The following CRIP2 variants were observed in gnomAD, a reference collection of about 807,000 sequenced individuals.
CRIP2 encodes cysteine rich protein 2, also known as cysteine-rich protein 2.
In CRIP2, 31 loss-of-function variants were observed where a neutral mutation model predicts 31.3. The observed-to-expected ratio is 0.99, with a 90% CI of 0.74 to 1.34. The LOEUF is 1.34. CRIP2 is among the 40% of genes most tolerant of loss of function. CRIP2 has a pLI of 0.00. For synonymous variants in CRIP2, 177 were observed against 127.2 expected (o/e 1.39, Z -2.63); for missense variants, 389 against 301.6 (o/e 1.29, Z -2.15).
chr14:105,479,021 C>G lies in CRIP2; in HGVS notation c.380C>G (p.Pro127Arg). ...TTFTGEPNTC[P>R]RCSKKVYFAE... is the part of the protein sequence containing the mutation. ...TTCACCGGGGAGCCCAACACGTGCC[C>G]GCGCTGCAGCAAGAAGGTGTACTTC... Residue 127 changes from proline to arginine, a missense_variant, in exon 5 of 8, where the codon CCG becomes CGG. Coordinates refer to ENST00000329146, the MANE Select transcript of CRIP2 (RefSeq NM_001312.4). The G allele has an allele frequency of 6.3e-7, 1 of 1,583,528 alleles. No homozygotes were observed. Among genetic ancestry groups the G allele is most frequent in the Non-Finnish European group, 8.6e-7 (1 of 1,167,622 alleles).
Position 105,478,480 on chromosome 14 carries a change from T to C in CRIP2, c.169T>C (p.Cys57Arg). 1 of 1,608,662 alleles carries C rather than the reference T, an allele frequency of 6.2e-7. No individual in the cohort carries two copies. Among genetic ancestry groups the C allele is most frequent in the Non-Finnish European group, 8.5e-7 (1 of 1,179,062 alleles). ...CGGGAAGCCGTTCTGCCACAAGCCGTGCTACGCCACCCTGTTCGGACCCAA... is the reference window on the plus strand; with the variant it reads ...CGGGAAGCCGTTCTGCCACAAGCCGCGCTACGCCACCCTGTTCGGACCCAA... ...HDGKPFCHKPCYATLFGPKGV... is the reference protein window; with the variant it reads ...HDGKPFCHKPRYATLFGPKGV... Residue 57 changes from cysteine (C) to arginine (R), a missense_variant, in exon 3 of 8, where the codon TGC becomes CGC. Transcript: ENST00000329146. This position sits in a 1 kb window ranked among gnomAD's most constrained non-coding sequence, Gnocchi z 4.9.
rs587691261 is a variant in CRIP2 at position 105,478,052 on chromosome 14, G to C, written c.44-214G>C. ...CTAGCGGGGTTCCAGGGCTGGGGGC[G>C]CTGAGACCCAGAGGGAGAACAGGGC... On this transcript the variant is annotated intron_variant, in intron 1 of 7. Coordinates refer to ENST00000329146, the MANE Select transcript of CRIP2 (RefSeq NM_001312.4). This position sits in a 1 kb window ranked among gnomAD's most constrained non-coding sequence, Gnocchi z 4.9. Among the ~76,000 whole-genome samples, 1 of 151,156 alleles carries C rather than the reference G, an allele frequency of 6.6e-6. No individual in the cohort carries two copies. The highest frequency in any genetic ancestry group is 2.0e-4 in the East Asian group (1 of 5,002).
chr14:105,473,021 T>C (rs1555435052), upstream of CRIP2: 1 of 606,050 alleles, frequency 1.7e-6, no homozygotes, highest in African/African-American at 1.9e-5. Flanking sequence ...CAGCCAGCCC[T>C]GTCCTCCAGA....
rs1463385847 is a variant in CRIP2 at position 105,479,208 on chromosome 14, G to A, written c.490G>A (p.Gly164Arg). Reference sequence around the variant, plus strand: ...CTGCGGGAAGACACTGACCCCCGGCGGGCACGCGGAGGTGAGGGGAGTGCA... The same window carrying A: ...CTGCGGGAAGACACTGACCCCCGGCAGGCACGCGGAGGTGAGGGGAGTGCA... Reference protein sequence around the residue: ...ERCGKTLTPGGHAEHDGQPYC... With the variant: ...ERCGKTLTPGRHAEHDGQPYC... Residue 164 changes from glycine (G) to arginine (R), a missense_variant, in exon 6 of 8, where the codon GGG (glycine) becomes AGG (arginine). Gly to Arg is a moderately radical substitution (Grantham distance 125, BLOSUM62 -2). Transcript: ENST00000329146. 6.2e-7 allele frequency: 1 copy of A among 1,610,694 alleles called. No homozygotes were observed.
rs1361638147 is a variant in CRIP2, at chr14:105,475,822, C to A, written c.43+917C>A. 4.1e-6 allele frequency: 4 copies of A among 985,406 alleles called. No homozygotes were observed. In the African/African-American group the frequency reaches 7.0e-5, roughly 17 times the overall value. 61.0% of individuals were successfully genotyped at this position (985,406 alleles called of 1,614,324 possible). A position where few individuals can be genotyped will look rare whatever the true frequency, so the allele number is the denominator to read the frequency against. ...TCCAGGGTGGTAAGGTCCCTGCCCA[C>A]CTACCCACCAGCTGCTGCACGAAGG... On this transcript the variant is annotated intron_variant, in intron 1 of 7. Transcript: ENST00000329146.
chr14:105,478,154 C>G lies in CRIP2; in HGVS notation c.44-112C>G, dbSNP rs2083990375. 1.2e-6 allele frequency: 1 copy of G among 813,188 alleles called. No homozygotes were observed. Among genetic ancestry groups the G allele is most frequent in the South Asian group, 1.9e-5 (1 of 53,158 alleles). 50.4% of individuals were successfully genotyped at this position (813,188 alleles called of 1,614,324 possible). A position where few individuals can be genotyped will look rare whatever the true frequency, so the allele number is the denominator to read the frequency against. Reference sequence around the variant, plus strand: ...GGTGGAAGGAAGGCGCCTGGGAGACCTCCTGAAAGTGGGGACCCCCGGAGC... The same window carrying G: ...GGTGGAAGGAAGGCGCCTGGGAGACGTCCTGAAAGTGGGGACCCCCGGAGC... On this transcript the variant is annotated intron_variant, in intron 1 of 7. Coordinates refer to ENST00000329146, the MANE Select transcript of CRIP2 (RefSeq NM_001312.4). This position sits in a 1 kb window ranked among gnomAD's most constrained non-coding sequence, Gnocchi z 4.9.
chr14:105,479,538 C>G, intron 7 of CRIP2, 45 bp downstream of exon 7: 1 of 1,612,812 alleles, frequency 6.2e-7, no homozygotes, highest in Non-Finnish European at 8.5e-7. Flanking sequence ...CTGCCCTCCC[C>G]TTCCCTCCAC....
intron 1 of CRIP2, chr14:105,475,269 T>G: frequency 4.6e-6 from 1 of 217,492 alleles, no homozygotes; most frequent in Non-Finnish European, 9.1e-6. Flanking sequence ...GGCGTGGCTG[T>G]ACGCCCCGGG....
Position 105,478,503 on chromosome 14 carries a change from C to G in CRIP2, c.192C>G (p.Pro64=), listed in dbSNP as rs781991204. 11 of 1,608,860 alleles carry G rather than the reference C, an allele frequency of 6.8e-6. No individual in the cohort carries two copies. In the South Asian group the frequency reaches 1.1e-4, roughly 16 times the overall value. ...CGTGCTACGCCACCCTGTTCGGACC[C>G]AAAGGTGAGCTCCGGCTGCCCTCGG... ...HKPCYATLFG[P]KGVNIGGAGS... The change falls in exon 3 of 8, where the codon CCC becomes CCG. Residue 64 remains proline, a synonymous_variant. Coordinates refer to ENST00000329146, the MANE Select transcript of CRIP2 (RefSeq NM_001312.4). This position sits in a 1 kb window ranked among gnomAD's most constrained non-coding sequence, Gnocchi z 4.9.
intron 1 of CRIP2, among the ~76,000 whole-genome samples, chr14:105,475,694 C>G (rs1171256084): frequency 1.3e-5 from 2 of 152,150 alleles, no homozygotes; most frequent in Non-Finnish European, 2.9e-5. Flanking sequence ...TCGGTCTAGC[C>G]CCTCCGGCAG....
upstream of CRIP2, chr14:105,473,534 A>G (rs2083876669): frequency 1.8e-5 from 28 of 1,529,486 alleles, no homozygotes; most frequent in Non-Finnish European, 2.4e-5. Context: ...TGTCCAGCCC[A>G]CAGCCTCCAA....
chr14:105,473,497 C>T, upstream of CRIP2: 1 of 1,535,396 alleles, frequency 6.5e-7, no homozygotes, highest in Non-Finnish European at 8.7e-7. Flanking sequence ...CCTGGTGCAC[C>T]AGGCAGAGGG....
intron 1 of CRIP2, chr14:105,476,752 A>C: frequency 1.0e-6 from 1 of 985,408 alleles, no homozygotes; most frequent in Non-Finnish European, 1.2e-6. Context: ...GGTGTGTCCC[A>C]GCTTCCTTGA....
At chr14:105,477,719 G>GGGGGGAAGCGGGTGTGT (rs2083968215) in intron 1 of CRIP2, 1 of 1,318 alleles carries the variant, frequency 7.6e-4, no homozygotes, top group Non-Finnish European at 2.4e-3. Flanking sequence ...GGGTGTGTGT[G>GGGGGGAAGCGGGTGTGT]GGGGGAAGCG....
chr14:105,476,056 G>A, intron 1 of CRIP2: 1 of 985,608 alleles, frequency 1.0e-6, no homozygotes, highest in Non-Finnish European at 1.2e-6. Context: ...TGGCGTGGCT[G>A]GGAGCCGAGG....
In CRIP2 at chr14:105,479,345, C is replaced by T. The variant is rs1301656847; in HGVS notation, c.502-91C>T. 8.3e-6 allele frequency: 13 copies of T among 1,571,746 alleles called. No homozygotes were observed. The East Asian group carries it at 9.0e-5, about 11-fold the overall frequency. On this transcript the variant is annotated intron_variant, in intron 6 of 7. Transcript: ENST00000329146. ...GGGAGCTGCGCTGCCCTCTCCCCCA[C>T]GGCGAGCCGGCCTGCACGTTCTGGA...
intron 1 of CRIP2, chr14:105,475,182 G>A (rs1555435505): frequency 5.8e-6 from 2 of 344,452 alleles, no homozygotes; most frequent in African/African-American, 2.2e-5. Context: ...CCGGGATGAG[G>A]CCAGTGTTTG....
chr14:105,475,342 C>T (rs1025191686), intron 1 of CRIP2: 11 of 161,226 alleles, frequency 6.8e-5, no homozygotes, highest in Non-Finnish European at 1.1e-4. Flanking sequence ...CCCGCTTCCC[C>T]CGGGAACAAG....
chr14:105,478,039 C>G lies in CRIP2; in HGVS notation c.44-227C>G, dbSNP rs1425570651. ...CTCAAAGGCGGCTCTAGCGGGGTTC[C>G]AGGGCTGGGGGCGCTGAGACCCAGA... is the stretch of plus-strand genomic sequence containing the variant. On this transcript the variant is annotated intron_variant, in intron 1 of 7. Coordinates refer to ENST00000329146, the MANE Select transcript of CRIP2 (RefSeq NM_001312.4). The surrounding 1 kb of genome is among the most constrained non-coding windows in gnomAD (Gnocchi z 4.9). 6.6e-6 allele frequency among the ~76,000 whole-genome samples: 1 copy of G among 151,732 alleles called. No individual in the cohort carries two copies. Among genetic ancestry groups the G allele is most frequent in the African/African-American group, 2.4e-5 (1 of 41,266 alleles).
Sources: gnomAD v4.1 joint callset for allele counts (sites outside exome capture counted in the v4.1 genomes callset) on GRCh38, gnomAD v4.1.1 for gene constraint, Gnocchi (gnomAD v3.1) non-coding constraint, MANE v1.5 for transcripts, NCBI Gene and HGNC (gene_info 2026-07-23, HGNC 2026-07-21) for gene names.